Variants in SPTAN1 observed in about 807,000 individuals in gnomAD.
The protein encoded by SPTAN1 is spectrin alpha, non-erythrocytic 1.
A neutral mutation model predicts 331.3 loss-of-function variants in SPTAN1; 61 were observed. The ratio of observed to expected loss-of-function variants is 0.18; its 90% CI spans 0.15 to 0.23. The LOEUF (loss-of-function observed/expected upper bound fraction) is 0.23, where lower values mean the gene tolerates loss of function less well. Among genes scored for constraint, SPTAN1 ranks in the 10% least tolerant of loss-of-function variants. The probability of loss-of-function intolerance (pLI) is 1.00; values close to 1 mark genes in which losing one functional copy is unlikely to be tolerated. For synonymous variants in SPTAN1, 1,153 were observed against 1,173.9 expected (o/e 0.98, Z 0.36); for missense variants, 2,043 against 3,147.9 (o/e 0.65, Z 8.40).
At chr9:128,586,123 T>G (rs1852593718) in intron 19 of SPTAN1, among the ~76,000 whole-genome samples, 158 bp downstream of exon 19, 1 of 135,124 alleles carries the variant, frequency 7.4e-6, no homozygotes, top group African/African-American at 2.9e-5. Context: ...TTTTTTTTTT[T>G]TTTTTTTTTT....
At chr9:128,616,942 T>C (rs1396617097) in intron 41 of SPTAN1, among the ~76,000 whole-genome samples, 2 of 151,714 alleles carry the variant, frequency 1.3e-5, no homozygotes, top group African/African-American at 4.8e-5. Flanking sequence ...AAAAAATATA[T>C]ATATTACTTA....
rs564752745 is a variant in SPTAN1, at chr9:128,577,658, G to A, written c.1085+152G>A. ...CTTCTTACCTATGTTCTCTCTGTTT[G>A]GAGACTGGCAACTGTATCATGTGTA... On this transcript the variant is annotated intron_variant, in intron 8 of 56. Transcript: ENST00000372739. The surrounding 1 kb of genome is among the most constrained non-coding windows in gnomAD (Gnocchi z 4.2). 4.7e-4 allele frequency: 505 copies of A among 1,066,908 alleles called. 7 individuals are homozygous for A. In the South Asian group the frequency reaches 6.2e-3, roughly 13 times the overall value. The allele number at this position is 1,066,908 out of a possible 1,614,324, so 66.1% of individuals were successfully genotyped here. A position where few individuals can be genotyped will look rare whatever the true frequency, so the allele number is the denominator to read the frequency against.
chr9:128,597,095 G>A (rs1854408296), intron 24 of SPTAN1, among the ~76,000 whole-genome samples: 1 of 152,158 alleles, frequency 6.6e-6, no homozygotes, highest in Admixed American at 6.5e-5. Flanking sequence ...GGGAGGCGGA[G>A]GTTGCAGTGA....
At chr9:128,630,002 C>T (rs1859433278) in intron 51 of SPTAN1, 1 of 449,510 alleles carries the variant, frequency 2.2e-6, no homozygotes, top group Non-Finnish European at 4.3e-6. Flanking sequence ...GATGCTCAGA[C>T]AGGCCTGCAG....
chr9:128,591,342 A>C, intron 21 of SPTAN1, 135 bp from the exon 22 acceptor site: 2 of 1,073,744 alleles, frequency 1.9e-6, no homozygotes, highest in Non-Finnish European at 2.8e-6. Context: ...CTGGGATTAT[A>C]GGTGTGAGCC....
chr9:128,578,208 G>A lies in SPTAN1; in HGVS notation c.1184G>A (p.Gly395Glu). Residue 395 changes from glycine (G) to glutamate (E), a missense_variant, in exon 9 of 57, where the codon GGG becomes GAG. By Grantham distance (98) the Gly-to-Glu change is moderately conservative. Around this residue, in one of 12 missense-constraint regions of SPTAN1, gnomAD observed 1,038 missense variants for 1,531.5 expected, o/e 0.68. Coordinates refer to ENST00000372739, the MANE Select transcript of SPTAN1 (RefSeq NM_001130438.3). ...NADELASDVAGAEALLDRHQE... is the reference protein window; with the variant it reads ...NADELASDVAEAEALLDRHQE... ...GATGAGCTTGCCAGTGATGTGGCTG[G>A]GGCTGAAGCCCTGCTAGATAGACAC... 6.2e-7 allele frequency: 1 copy of A among 1,614,098 alleles called. No homozygotes were observed. The highest frequency in any genetic ancestry group is 2.2e-5 in the East Asian group (1 of 44,880).
rs142702835 is a variant in SPTAN1, at chr9:128,561,789, A to G, written c.-3-4949A>G. On this transcript the variant is annotated intron_variant, in intron 1 of 56. Transcript: ENST00000372739. The stretch of plus-strand genomic sequence containing the variant: ...ATCCCAGGTCATCCTGGCCTTTGCA[A>G]CTTGCTTACTAAATTACCTGTCTCC... Among the ~76,000 whole-genome samples the G allele has an allele frequency of 3.5e-3, 525 of 151,882 alleles. 2 individuals carry two copies. The highest frequency in any genetic ancestry group is 0.012 in the African/African-American group (485 of 41,448).
At chr9:128,601,992 C>G (rs963844049) in intron 27 of SPTAN1, among the ~76,000 whole-genome samples, 7 of 152,176 alleles carry the variant, frequency 4.6e-5, no homozygotes, top group Non-Finnish European at 1.0e-4. Flanking sequence ...GGGCAACAGC[C>G]TTACCCCCTC....
intron 49 of SPTAN1, 87 bp downstream of exon 49, chr9:128,626,774 G>A (rs1211418486): frequency 1.3e-5 from 16 of 1,227,582 alleles, no homozygotes; most frequent in African/African-American, 6.5e-5. Context: ...ACTGAGTCAC[G>A]ACAAGACGAG....
At chr9:128,615,564 A>G in intron 40 of SPTAN1, 68 bp from the exon 41 acceptor site, 1 of 1,546,952 alleles carries the variant, frequency 6.5e-7, no homozygotes, top group South Asian at 1.1e-5. Flanking sequence ...GGAATTCCTG[A>G]GTTCTTATGT....
chr9:128,631,995 T>G, intron 52 of SPTAN1, 132 bp from the exon 53 acceptor site: 4 of 882,058 alleles, frequency 4.5e-6, no homozygotes, highest in Non-Finnish European at 7.2e-6. Context: ...ACTATTCCTA[T>G]TCTAGAATGT....
Position 128,611,824 on chromosome 9 carries a change from C to T in SPTAN1, c.4884C>T (p.Ala1628=), listed in dbSNP as rs759241143. The change falls in exon 38 of 57, where the codon GCC becomes GCT. Residue 1628 remains alanine, a synonymous_variant. Coordinates refer to ENST00000372739, the MANE Select transcript of SPTAN1 (RefSeq NM_001130438.3). ...CCCTCATTGAACGTGGAGCCTGTGC[C>T]GGCAGTGAGGATGCTGTCAAGGTAT... ...GNSLIERGAC[A]GSEDAVKARL... The T allele has an allele frequency of 2.9e-5, 47 of 1,614,000 alleles. No homozygotes were observed. The South Asian group carries it at 3.8e-4, about 13-fold the overall frequency.
intron 23 of SPTAN1, chr9:128,593,924 T>C: frequency 2.0e-6 from 1 of 510,098 alleles, no homozygotes. Context: ...AGAATCGGCC[T>C]GGGGATAAGT....
chr9:128,608,000 A>G lies in SPTAN1; in HGVS notation c.4295A>G (p.Lys1432Arg). Reference sequence around the variant, plus strand: ...GACCAGGAGCGTGCAGACCTGGAGAAGGCCTGGGTTCAGCGCAGGATGATG... The same window carrying G: ...GACCAGGAGCGTGCAGACCTGGAGAGGGCCTGGGTTCAGCGCAGGATGATG... ...ILDQERADLEKAWVQRRMMLD... is the reference protein window; with the variant it reads ...ILDQERADLERAWVQRRMMLD... Residue 1432 changes from lysine (K) to arginine (R), a missense_variant, in exon 33 of 57, where the codon AAG becomes AGG. Around this residue, in one of 12 missense-constraint regions of SPTAN1, gnomAD observed 179 missense variants for 215.7 expected, o/e 0.83. Transcript: ENST00000372739. The G allele has an allele frequency of 6.2e-7, 1 of 1,614,146 alleles. No homozygotes were observed. Among genetic ancestry groups the G allele is most frequent in the East Asian group, 2.2e-5 (1 of 44,888 alleles).
intron 25 of SPTAN1, 29 bp downstream of exon 25, chr9:128,598,533 C>G: frequency 6.6e-7 from 1 of 1,522,596 alleles, no homozygotes; most frequent in Non-Finnish European, 9.0e-7. Context: ...GAGTGAGGCT[C>G]TGTTGCTGTA....
At position 128,584,806 on chromosome 9, in the gene SPTAN1, A is replaced by G. The variant is rs1389726085; in HGVS notation, c.2523A>G (p.Lys841=). Residue 841 remains lysine, a synonymous_variant, in exon 18 of 57, where the codon AAA becomes AAG. Coordinates refer to ENST00000372739, the MANE Select transcript of SPTAN1 (RefSeq NM_001130438.3). ...AEIAGHEPRI[K]AVTQKGNAMV... ...TTGCTGGACATGAACCACGCATCAA[A>G]GCAGTTACACAGAAGGGGAATGCCA... The G allele has an allele frequency of 6.2e-7, 1 of 1,614,216 alleles. No homozygotes were observed. The highest frequency in any genetic ancestry group is 1.7e-5 in the Admixed American group (1 of 60,024).
Position 128,587,546 on chromosome 9 carries a change from C to T in SPTAN1, c.2779-60C>T, listed in dbSNP as rs537763253. The T allele has an allele frequency of 6.4e-6, 9 of 1,398,484 alleles. No individual in the cohort carries two copies. In the South Asian group the frequency reaches 8.1e-5, roughly 13 times the overall value. The allele number at this position is 1,398,484 out of a possible 1,614,324, so 86.6% of individuals were successfully genotyped here. A position where few individuals can be genotyped will look rare whatever the true frequency, so the allele number is the denominator to read the frequency against. On this transcript the variant is annotated intron_variant, in intron 19 of 56. Coordinates refer to ENST00000372739, the MANE Select transcript of SPTAN1 (RefSeq NM_001130438.3). ...GAGGCAGGATGGCAGGTTGGCGAGG[C>T]AGTGGAGGATGGGAGGCTTCAGCCC...
intron 44 of SPTAN1, among the ~76,000 whole-genome samples, 169 bp downstream of exon 44, chr9:128,619,172 G>T (rs542394532): frequency 6.6e-6 from 1 of 152,174 alleles, no homozygotes; most frequent in Non-Finnish European, 1.5e-5. Context: ...CACACTAGGG[G>T]ACATCACCCT....
At position 128,612,449 on chromosome 9, in the gene SPTAN1, A is replaced by G. The variant is rs1431392675; in HGVS notation, c.5043+203A>G. Among the ~76,000 whole-genome samples the G allele has an allele frequency of 2.0e-5, 3 of 152,190 alleles. No individual in the cohort carries two copies. In the South Asian group the frequency reaches 6.2e-4, roughly 32 times the overall value. ...GTTAAGAGAGCTGACTTGTAGTGGC[A>G]CTTGGACTACAGGTCACTCACATCC... is the stretch of plus-strand genomic sequence containing the variant. On this transcript the variant is annotated intron_variant, in intron 39 of 56. Coordinates refer to ENST00000372739, the MANE Select transcript of SPTAN1 (RefSeq NM_001130438.3).
Sources: allele counts gnomAD v4.1 joint callset (sites outside exome capture counted in the v4.1 genomes callset), GRCh38; gene constraint gnomAD v4.1.1; regional missense constraint gnomAD v4.1.1; non-coding constraint Gnocchi (gnomAD v3.1); transcripts MANE v1.5; gene names NCBI Gene and HGNC (gene_info 2026-07-23, HGNC 2026-07-21).